ATP8A2: variants seen among roughly 807,000 people sequenced by gnomAD.
The protein encoded by ATP8A2 is ATPase phospholipid transporting 8A2.
ATP8A2 carries 100 observed loss-of-function variants against 165.6 expected under a neutral mutation model. That is an observed-to-expected ratio of 0.60 (90% confidence interval 0.51 to 0.71). ATP8A2 has a LOEUF of 0.71. Ranked by LOEUF, ATP8A2 falls within the 30% of genes least tolerant of loss-of-function variation. ATP8A2 has a pLI of 0.00. For missense variants in ATP8A2, 1,227 were observed against 1,479.5 expected (o/e 0.83, Z 2.80); for synonymous variants, 543 against 548.8 (o/e 0.99, Z 0.15).
intron 25 of ATP8A2, among the ~76,000 whole-genome samples, chr13:25,739,097 T>A (rs2043851164): frequency 6.6e-6 from 1 of 152,228 alleles, no homozygotes; most frequent in African/African-American, 2.4e-5. Context: ...GAGAGTCACA[T>A]CATGGGATTT....
chr13:25,947,359 G>T (rs1286015294), intron 33 of ATP8A2, among the ~76,000 whole-genome samples: 2 of 152,232 alleles, frequency 1.3e-5, no homozygotes, highest in Admixed American at 1.3e-4. Context: ...GAAAATAGAG[G>T]CTGGGGACCA....
At chr13:25,812,251 A>G (rs77363141) in intron 27 of ATP8A2, among the ~76,000 whole-genome samples, 3,810 of 151,048 alleles carry the variant, frequency 0.025, 166 homozygotes, top group African/African-American at 0.087. Context: ...GTACCATTAT[A>G]GTATGTTTGT....
chr13:25,964,893 C>T (rs193171304), intron 34 of ATP8A2, among the ~76,000 whole-genome samples: 2 of 152,328 alleles, frequency 1.3e-5, no homozygotes, highest in Admixed American at 6.5e-5. Flanking sequence ...GGCACAGTGG[C>T]TCACACCTGT....
rs140442963 is a variant in ATP8A2 at position 25,829,567 on chromosome 13, A to G, written c.2754+1375A>G. On this transcript the variant is annotated intron_variant, in intron 28 of 36. Transcript: ENST00000381655. ...CAGTGCTTGAAAGGGTCAGGTATCA[A>G]TGGAGCTGACACTTCACACAAACAC... Among the ~76,000 whole-genome samples the G allele has an allele frequency of 7.9e-3, 1,185 of 150,684 alleles. 19 individuals are homozygous for G. Among genetic ancestry groups the G allele is most frequent in the African/African-American group, 0.028 (1,133 of 41,034 alleles).
Position 25,901,543 on chromosome 13 carries a change from AAT to A in ATP8A2, c.3183+39136_3183+39137del, listed in dbSNP as rs1456508661. ...AATTGTGATTTTTAAGAAGAAATCA[AAT>A]CAACCAGCAAGGGCAAAATAAAAAT... On this transcript the variant is annotated intron_variant, in intron 33 of 36. Coordinates refer to ENST00000381655, the MANE Select transcript of ATP8A2 (RefSeq NM_016529.6). Among the ~76,000 whole-genome samples the A allele has an allele frequency of 2.7e-4, 41 of 152,056 alleles. 1 individual carries two copies. Among genetic ancestry groups the A allele is most frequent in the African/African-American group, 9.2e-4 (38 of 41,526 alleles).
At chr13:25,677,497 T>C (rs902193067) in intron 24 of ATP8A2, among the ~76,000 whole-genome samples, 1 of 141,824 alleles carries the variant, frequency 7.1e-6, no homozygotes, top group African/African-American at 2.7e-5. Context: ...GTATAACTCA[T>C]GTGAGACCCG....
chr13:25,699,051 T>A, intron 24 of ATP8A2, 122 bp from the exon 25 acceptor site: 1 of 742,350 alleles, frequency 1.3e-6, no homozygotes, highest in East Asian at 2.8e-5. Flanking sequence ...AAAGCTGAAC[T>A]GATAGTATAT....
chr13:25,593,373 G>T (rs1258589047), intron 24 of ATP8A2, among the ~76,000 whole-genome samples: 1 of 152,122 alleles, frequency 6.6e-6, no homozygotes, highest in Non-Finnish European at 1.5e-5. Flanking sequence ...GCCAGGTTCG[G>T]ACTCCAAATG....
intron 1 of ATP8A2, among the ~76,000 whole-genome samples, chr13:25,401,981 C>T: frequency 6.6e-6 from 1 of 151,900 alleles, no homozygotes; most frequent in South Asian, 2.1e-4. Flanking sequence ...CTCAGCCTCC[C>T]AAAATACAGA....
intron 1 of ATP8A2, among the ~76,000 whole-genome samples, chr13:25,462,051 G>A (rs1314709061): frequency 6.6e-6 from 1 of 152,194 alleles, no homozygotes; most frequent in East Asian, 1.9e-4. Flanking sequence ...CTCACAAGAA[G>A]CAACCTGTTC....
At chr13:25,955,490 A>G (rs1008287921) in intron 33 of ATP8A2, among the ~76,000 whole-genome samples, 4 of 152,246 alleles carry the variant, frequency 2.6e-5, no homozygotes, top group African/African-American at 7.2e-5. Flanking sequence ...AGAGAATACT[A>G]TAAACACCTC....
chr13:26,001,635 T>A (rs2139322920), intron 35 of ATP8A2, among the ~76,000 whole-genome samples: 1 of 152,338 alleles, frequency 6.6e-6, no homozygotes, highest in East Asian at 1.9e-4. Context: ...TGATACTGAT[T>A]ATCTTCATGT....
chr13:25,574,628 C>T (rs939340358), intron 18 of ATP8A2, among the ~76,000 whole-genome samples, 180 bp from the exon 19 acceptor site: 5 of 152,128 alleles, frequency 3.3e-5, no homozygotes, highest in African/African-American at 1.2e-4. Context: ...TGAGAAGCTT[C>T]CACCAGAAGA....
At chr13:25,707,194 A>G (rs1262079606) in intron 25 of ATP8A2, among the ~76,000 whole-genome samples, 3 of 152,172 alleles carry the variant, frequency 2.0e-5, no homozygotes, top group African/African-American at 7.2e-5. Flanking sequence ...GGAAAAGGAA[A>G]CCATTTCTAA....
intron 6 of ATP8A2, among the ~76,000 whole-genome samples, chr13:25,537,144 A>T (rs1271820283): frequency 1.3e-5 from 2 of 152,062 alleles, no homozygotes; most frequent in African/African-American, 4.8e-5. Flanking sequence ...TTGGCTTGAG[A>T]TCTTCTGTCT....
intron 29 of ATP8A2, among the ~76,000 whole-genome samples, chr13:25,837,958 G>T (rs1030155724): frequency 6.6e-6 from 1 of 152,212 alleles, no homozygotes; most frequent in Non-Finnish European, 1.5e-5. Context: ...TGTCATTTGC[G>T]GCTGAATGTG....
chr13:25,783,923 T>C (rs1293150200), intron 27 of ATP8A2, among the ~76,000 whole-genome samples: 2 of 152,110 alleles, frequency 1.3e-5, no homozygotes, highest in Admixed American at 6.6e-5. Context: ...TGCTGGTTGA[T>C]AGAGCTGGGA....
At chr13:25,970,556 TG>T (rs2139215313) in intron 35 of ATP8A2, among the ~76,000 whole-genome samples, 1 of 152,386 alleles carries the variant, frequency 6.6e-6, no homozygotes, top group South Asian at 2.1e-4. Context: ...ATTCTGGCTT[TG>T]CTACCTACCG....
At chr13:25,916,470 G>A (rs1038037110) in intron 33 of ATP8A2, among the ~76,000 whole-genome samples, 4 of 152,192 alleles carry the variant, frequency 2.6e-5, no homozygotes, top group African/African-American at 9.7e-5. Context: ...ATTTTCACAG[G>A]TTGCTGTCTT....
Sources: gnomAD v4.1 joint callset for allele counts (sites outside exome capture counted in the v4.1 genomes callset) on GRCh38, gnomAD v4.1.1 for gene constraint, MANE v1.5 for transcripts, NCBI Gene and HGNC (gene_info 2026-07-23, HGNC 2026-07-21) for gene names.